The following GET4 variants were observed in gnomAD, a reference collection of about 807,000 sequenced individuals.
The protein encoded by GET4 is Golgi to ER traffic protein 4 homolog.
In GET4, 20 loss-of-function variants were observed where a neutral mutation model predicts 40.0. That is an observed-to-expected ratio of 0.50 (90% CI 0.35 to 0.73). The LOEUF (loss-of-function observed/expected upper bound fraction) is 0.73, where lower values mean the gene tolerates loss of function less well. GET4 is among the 30% of genes least tolerant of loss of function. The pLI, the probability that GET4 is intolerant of heterozygous loss-of-function variation, is 0.01. For synonymous variants in GET4, 280 were observed against 194.6 expected, an observed-to-expected ratio of 1.44 and a Z score of -3.65; for missense variants, 557 against 454.0, an observed-to-expected ratio of 1.23 and a Z score of -2.06.
rs1171327937 is a variant in GET4, at chr7:876,830, A to AGCGCCC, written c.155+33_155+38dup. The AGCGCCC allele has an allele frequency of 4.5e-6, 5 of 1,116,716 alleles. No homozygotes were observed. The African/African-American group carries it at 8.4e-5, about 19-fold the overall frequency. 69.2% of individuals were successfully genotyped at this position (1,116,716 alleles called of 1,614,324 possible). On this transcript the variant is annotated intron_variant, in intron 1 of 8. Coordinates refer to ENST00000265857, the MANE Select transcript of GET4 (RefSeq NM_015949.3). ...CCGCGCCCGGCCCTCGCCGCAGCCCAGCGCCCGCCCCCGCCGCCTCCCATT... is the reference window on the plus strand; with the variant it reads ...CCGCGCCCGGCCCTCGCCGCAGCCCAGCGCCCGCGCCCGCCCCCGCCGCCTCCCATT...
At chr7:893,386 TGA>T (rs1844382804) in intron 6 of GET4, among the ~76,000 whole-genome samples, 1 of 123,960 alleles carries the variant, frequency 8.1e-6, no homozygotes, top group South Asian at 2.7e-4. Context: ...TGTGTGCAGG[TGA>T]GTGTTGGGCG....
In GET4 at chr7:893,975, A is replaced by G; in HGVS notation, c.895+4A>G. 3 of 1,579,104 alleles carry G rather than the reference A, an allele frequency of 1.9e-6. No individual in the cohort carries two copies. The highest frequency in any genetic ancestry group is 2.6e-6 in the Non-Finnish European group (3 of 1,160,446). On this transcript the variant is annotated splice_donor_region_variant and intron_variant, in intron 8 of 8. Coordinates refer to ENST00000265857, the MANE Select transcript of GET4 (RefSeq NM_015949.3). ...TCTTCCTACGGGGGCCTGCTCGGTA[A>G]GCCGGGGCGCCCTTGTCACACCCAC...
chr7:888,065 A>G (rs1844230552), intron 4 of GET4, among the ~76,000 whole-genome samples: 1 of 152,158 alleles, frequency 6.6e-6, no homozygotes, highest in Non-Finnish European at 1.5e-5. Context: ...TCCCCAGGGC[A>G]TTCCCTGGGA....
At chr7:878,201 A>ACGCC (rs1373660632) in intron 1 of GET4, 2 of 465,740 alleles carry the variant, frequency 4.3e-6, no homozygotes, top group South Asian at 1.6e-5. Context: ...GGTTAACTGC[A>ACGCC]CGCCCCTCGG....
Position 893,906 on chromosome 7 carries a change from A to G in GET4, c.830A>G (p.Asp277Gly), listed in dbSNP as rs753175144. 8.7e-5 allele frequency: 140 copies of G among 1,610,854 alleles called. 1 individual carries two copies. The highest frequency in any genetic ancestry group is 1.2e-4 in the Non-Finnish European group (136 of 1,178,046). Reference protein sequence around the residue: ...RRDPMYNEYLDRIGQLFFGVP... With the variant: ...RRDPMYNEYLGRIGQLFFGVP... ...GCTGCCTGTGCCTTGCAGTACCTCG[A>G]CCGCATAGGACAGCTGTTCTTCGGC... The change falls in exon 8 of 9, where the codon GAC (aspartate) becomes GGC (glycine). Residue 277 changes from aspartate to glycine, a missense_variant. Coordinates refer to ENST00000265857, the MANE Select transcript of GET4 (RefSeq NM_015949.3).
Position 893,895 on chromosome 7 carries a change from G to A in GET4, c.823-4G>A, listed in dbSNP as rs199726309. ...CCTCTGAGCCCGCTGCCTGTGCCTT[G>A]CAGTACCTCGACCGCATAGGACAGC... is the stretch of plus-strand genomic sequence containing the variant. On this transcript the variant is annotated splice_region_variant and splice_polypyrimidine_tract_variant and intron_variant, in intron 7 of 8. Coordinates refer to ENST00000265857, the MANE Select transcript of GET4 (RefSeq NM_015949.3). The A allele has an allele frequency of 6.2e-7, 1 of 1,612,432 alleles. No homozygotes were observed. Among genetic ancestry groups the A allele is most frequent in the Non-Finnish European group, 8.5e-7 (1 of 1,179,160 alleles).
At chr7:894,269 C>T (rs999288133) in intron 8 of GET4, among the ~76,000 whole-genome samples, 1 of 152,118 alleles carries the variant, frequency 6.6e-6, no homozygotes, top group Non-Finnish European at 1.5e-5. Context: ...CTCTGTGCGC[C>T]ATGCTAGGTG....
At position 891,053 on chromosome 7, in the gene GET4, C is replaced by G. The variant is rs866868274; in HGVS notation, c.592C>G (p.Gln198Glu). 3 of 1,603,416 alleles carry G rather than the reference C, an allele frequency of 1.9e-6. No individual in the cohort carries two copies. ...CAGCGAGGTGGACATGTTCGTGGCC[C>G]AGGCCGTGCTACAGTAGGTGTCTGT... ...FRSEVDMFVA[Q>E]AVLQFLCLKN... Residue 198 changes from glutamine (Q) to glutamate (E), a missense_variant, in exon 5 of 9, where the codon CAG becomes GAG. Gln to Glu is a conservative substitution (Grantham distance 29). Coordinates refer to ENST00000265857, the MANE Select transcript of GET4 (RefSeq NM_015949.3).
At position 886,705 on chromosome 7, in the gene GET4, C is replaced by T. The variant is rs1408271355; in HGVS notation, c.316+55C>T. 3.7e-6 allele frequency: 4 copies of T among 1,095,074 alleles called. No individual in the cohort carries two copies. The African/African-American group carries it at 6.2e-5, about 17-fold the overall frequency. The allele number at this position is 1,095,074 out of a possible 1,614,324, so 67.8% of individuals were successfully genotyped here. ...CTGTGACAGCGGCCCCAGTACGCCCCTCCCCGGGTCTCTGCGCTGTGTTTC... is the reference window on the plus strand; with the variant it reads ...CTGTGACAGCGGCCCCAGTACGCCCTTCCCCGGGTCTCTGCGCTGTGTTTC... On this transcript the variant is annotated intron_variant, in intron 3 of 8. Transcript: ENST00000265857.
rs778716778 is a variant in GET4 at position 876,817 on chromosome 7, C to T, written c.155+17C>T. On this transcript the variant is annotated intron_variant, in intron 1 of 8. Transcript: ENST00000265857. Reference sequence around the variant, plus strand: ...GTTCTTCAGGTACCCGCGCCCGGCCCTCGCCGCAGCCCAGCGCCCGCCCCC... The same window carrying T: ...GTTCTTCAGGTACCCGCGCCCGGCCTTCGCCGCAGCCCAGCGCCCGCCCCC... 1.5e-5 allele frequency: 17 copies of T among 1,166,356 alleles called. No homozygotes were observed. Among genetic ancestry groups the T allele is most frequent in the Non-Finnish European group, 1.6e-5 (15 of 933,020 alleles). 72.3% of individuals were successfully genotyped at this position (1,166,356 alleles called of 1,614,324 possible).
chr7:876,750 G>A lies in GET4; in HGVS notation c.105G>A (p.Glu35=), dbSNP rs1241525048. The change falls in exon 1 of 9, where the codon GAG becomes GAA. Residue 35 remains glutamate, a synonymous_variant. Coordinates refer to ENST00000265857, the MANE Select transcript of GET4 (RefSeq NM_015949.3). ...RVEGKLRASV[E]KGDYYEAHQM... is the part of the protein sequence containing the mutation. ...AGGGCAAGCTGCGCGCCAGCGTCGA[G>A]AAGGGCGACTACTACGAGGCGCACC... 3 of 1,372,848 alleles carry A rather than the reference G, an allele frequency of 2.2e-6. No homozygotes were observed. The highest frequency in any genetic ancestry group is 3.0e-5 in the South Asian group (2 of 66,808). The allele number at this position is 1,372,848 out of a possible 1,614,324, so 85.0% of individuals were successfully genotyped here.
At chr7:877,281 C>T (rs1011052779) in intron 1 of GET4, among the ~76,000 whole-genome samples, 9 of 144,780 alleles carry the variant, frequency 6.2e-5, no homozygotes, top group Admixed American at 6.1e-4. Context: ...CCTCGTCTCT[C>T]TGTCCTCGGC....
In GET4 at chr7:893,710, C is replaced by G. The variant is rs184738143; in HGVS notation, c.747-30C>G. ...GTGAGTGTGGTCCTGTTCTGCTCAC[C>G]CAGCACATCCCTGTGTGTCTCTGTC... On this transcript the variant is annotated intron_variant, in intron 6 of 8. Coordinates refer to ENST00000265857, the MANE Select transcript of GET4 (RefSeq NM_015949.3). 838 of 1,490,342 alleles carry G rather than the reference C, an allele frequency of 5.6e-4. 3 individuals carry two copies. The African/African-American group carries it at 0.01, about 18-fold the overall frequency. The allele number at this position is 1,490,342 out of a possible 1,614,324, so 92.3% of individuals were successfully genotyped here. A position where few individuals can be genotyped will look rare whatever the true frequency, so the allele number is the denominator to read the frequency against.
intron 5 of GET4, 43 bp from the exon 6 acceptor site, chr7:892,235 G>C: frequency 6.3e-7 from 1 of 1,578,090 alleles, no homozygotes; most frequent in South Asian, 1.1e-5. Context: ...GGCAGAAGCT[G>C]TGTCCTCCAG....
At position 891,094 on chromosome 7, in the gene GET4, G is replaced by C. The variant is rs368451546; in HGVS notation, c.605+28G>C. The C allele has an allele frequency of 5.8e-6, 9 of 1,552,772 alleles. No individual in the cohort carries two copies. In the East Asian group the frequency reaches 1.8e-4, roughly 31 times the overall value. On this transcript the variant is annotated intron_variant, in intron 5 of 8. Transcript: ENST00000265857. The stretch of plus-strand genomic sequence containing the variant: ...AGGTGTCTGTGGCTCTTCGGGTCTC[G>C]GCTTCCATTGCTGCCTTGGCTGGGC...
intron 4 of GET4, among the ~76,000 whole-genome samples, chr7:888,141 G>T (rs550439762): frequency 8.0e-4 from 122 of 152,278 alleles, no homozygotes; most frequent in African/African-American, 2.8e-3. Context: ...AGGCCTGCTC[G>T]GGTCTGCATG....
intron 2 of GET4, 190 bp from the exon 3 acceptor site, chr7:886,379 C>T (rs934627811): frequency 1.8e-4 from 111 of 612,306 alleles, no homozygotes; most frequent in African/African-American, 1.3e-4. Context: ...TAAACGTCCC[C>T]GTCCATTTTC....
intron 1 of GET4, chr7:884,397 G>A (rs1366219725): frequency 3.1e-6 from 4 of 1,290,478 alleles, no homozygotes; most frequent in Non-Finnish European, 4.1e-6. Context: ...GTGTTGGGGT[G>A]GGTCTCCCTC....
intron 3 of GET4, among the ~76,000 whole-genome samples, chr7:886,863 G>T (rs1562894994): frequency 6.6e-6 from 1 of 152,380 alleles, no homozygotes; most frequent in East Asian, 1.9e-4. Flanking sequence ...AGGACCTGCT[G>T]TGATTCGTAG....
Sources: allele counts gnomAD v4.1 joint callset (sites outside exome capture counted in the v4.1 genomes callset), GRCh38; gene constraint gnomAD v4.1.1; transcripts MANE v1.5; gene names NCBI Gene and HGNC (gene_info 2026-07-23, HGNC 2026-07-21).